The following ARF4 variants were observed in gnomAD, a reference collection of about 807,000 sequenced individuals.
ARF4 encodes the protein ADP-ribosylation factor 4.
Under a neutral mutation model 24.3 loss-of-function variants are expected in ARF4, and 5 were observed. The ratio of observed to expected loss-of-function variants is 0.21; its 90% CI spans 0.11 to 0.43. ARF4 has a LOEUF of 0.43. Ranked by LOEUF, ARF4 falls within the 20% of genes least tolerant of loss-of-function variation. The pLI is 1.00. For missense variants in ARF4, 107 were observed against 213.0 expected (o/e 0.50, Z 3.10); for synonymous variants, 62 against 73.5 (o/e 0.84, Z 0.80).
In ARF4 at chr3:57,572,136, G is replaced by A. The variant is rs968934455; in HGVS notation, c.*76C>T. On this transcript the variant is annotated 3_prime_UTR_variant, in exon 6 of 6. Coordinates refer to ENST00000303436, the MANE Select transcript of ARF4 (RefSeq NM_001660.4). ...GTCCCAGATACTGTTTAATAACCAA[G>A]ATACAAACTAATTTTGTTGTAACAA... The A allele has an allele frequency of 8.6e-7, 1 of 1,159,066 alleles. No homozygotes were observed. Among genetic ancestry groups the A allele is most frequent in the Admixed American group, 1.7e-5 (1 of 58,684 alleles). The allele number at this position is 1,159,066 out of a possible 1,614,324, so 71.8% of individuals were successfully genotyped here. A position where few individuals can be genotyped will look rare whatever the true frequency, so the allele number is the denominator to read the frequency against.
chr3:57,589,284 T>G (rs2070076127), intron 1 of ARF4, among the ~76,000 whole-genome samples: 1 of 150,872 alleles, frequency 6.6e-6, no homozygotes. Flanking sequence ...AAACAAAAAT[T>G]AGGCAGGGTG....
At chr3:57,576,026 C>T (rs1312323900) in intron 4 of ARF4, among the ~76,000 whole-genome samples, 1 of 152,108 alleles carries the variant, frequency 6.6e-6, no homozygotes, top group Non-Finnish European at 1.5e-5. Context: ...TCTTATGGTA[C>T]TTAGTAGCAG....
At chr3:57,586,499 A>G (rs1317633740) in intron 1 of ARF4, among the ~76,000 whole-genome samples, 2 of 152,206 alleles carry the variant, frequency 1.3e-5, no homozygotes, top group African/African-American at 2.4e-5. Flanking sequence ...CCTACCAAGA[A>G]TAACTTTAAG....
At chr3:57,580,568 A>AT (rs772996716) in intron 3 of ARF4, among the ~76,000 whole-genome samples, 1 of 148,670 alleles carries the variant, frequency 6.7e-6, no homozygotes, top group African/African-American at 2.5e-5. Context: ...TGCCCAGGTA[A>AT]TTTTTTTTTA....
rs956089735 is a variant in ARF4, at chr3:57,574,371, T to C, written c.456+1177A>G. On this transcript the variant is annotated intron_variant, in intron 5 of 5. Transcript: ENST00000303436. Reference sequence around the variant, plus strand: ...CTGATAATTTATCTCCATCACTGAATCACTGATCAATGATAAGCAATTTTA... The same window carrying C: ...CTGATAATTTATCTCCATCACTGAACCACTGATCAATGATAAGCAATTTTA... Among the ~76,000 whole-genome samples the C allele has an allele frequency of 3.3e-5, 5 of 152,034 alleles. No homozygotes were observed. The South Asian group carries it at 6.2e-4, about 19-fold the overall frequency.
At chr3:57,588,003 T>C (rs1188077788) in intron 1 of ARF4, among the ~76,000 whole-genome samples, 1 of 152,222 alleles carries the variant, frequency 6.6e-6, no homozygotes, top group African/African-American at 2.4e-5. Flanking sequence ...CAAAAACATA[T>C]TGGTCCAACA....
In ARF4 at chr3:57,584,430, C is replaced by G; in HGVS notation, c.102G>C (p.Leu34=). 2 of 1,613,720 alleles carry G rather than the reference C, an allele frequency of 1.2e-6. No homozygotes were observed. The highest frequency in any genetic ancestry group is 8.5e-7 in the Non-Finnish European group (1 of 1,179,692). ...CTATCTCCCCTAACTTCAGTTTATA[C>G]AGAATGGTTGTCTTGCCAGCAGCAT... The part of the protein sequence containing the change: ...GLDAAGKTTI[L]YKLKLGEIVT... The change falls in exon 2 of 6, where the codon CTG becomes CTC. Residue 34 remains leucine (L), a synonymous_variant. Transcript: ENST00000303436.
At chr3:57,590,132 T>A (rs201205196) in intron 1 of ARF4, among the ~76,000 whole-genome samples, 37 of 136,318 alleles carry the variant, frequency 2.7e-4, no homozygotes, top group East Asian at 6.6e-4. Flanking sequence ...AATAAATAAA[T>A]AAAACAAAAA....
chr3:57,594,336 A>T (rs1269355342), intron 1 of ARF4, among the ~76,000 whole-genome samples: 1 of 152,172 alleles, frequency 6.6e-6, no homozygotes, highest in African/African-American at 2.4e-5. Flanking sequence ...GATCCTCCCA[A>T]CCTGGCCTCC....
intron 3 of ARF4, among the ~76,000 whole-genome samples, chr3:57,583,258 A>G (rs984223351): frequency 1.3e-5 from 2 of 152,160 alleles, no homozygotes; most frequent in African/African-American, 2.4e-5. Flanking sequence ...TGCATATTAA[A>G]GTTTAAGAAA....
intron 4 of ARF4, 31 bp from the exon 5 acceptor site, chr3:57,575,704 AC>A: frequency 1.3e-6 from 2 of 1,574,466 alleles, no homozygotes; most frequent in Non-Finnish European, 1.7e-6. Flanking sequence ...ATTAACAACT[AC>A]CAACCGGAAT....
intron 1 of ARF4, among the ~76,000 whole-genome samples, chr3:57,595,185 T>G (rs1414698344): frequency 1.3e-5 from 2 of 152,228 alleles, no homozygotes; most frequent in African/African-American, 4.8e-5. Flanking sequence ...GGTAGCATAC[T>G]TCTATATTCC....
rs536870328 is a variant in ARF4, at chr3:57,587,586, AT to A, written c.68-3123del. On this transcript the variant is annotated intron_variant, in intron 1 of 5. Transcript: ENST00000303436. ...AAGAGAAAAAAAATTGTCCAAGCAG[AT>A]TTTTTTTAATTAAAATGTTGGGCTG... 1.1e-4 allele frequency among the ~76,000 whole-genome samples: 16 copies of A among 151,958 alleles called. No homozygotes were observed. The East Asian group carries it at 2.3e-3, about 22-fold the overall frequency.
intron 5 of ARF4, among the ~76,000 whole-genome samples, chr3:57,574,053 TG>T (rs1559782168): frequency 6.6e-6 from 1 of 152,126 alleles, no homozygotes; most frequent in African/African-American, 2.4e-5. Context: ...GTGATTCTCC[TG>T]CCTCAGCCTC....
chr3:57,591,083 G>C (rs2070106988), intron 1 of ARF4, among the ~76,000 whole-genome samples: 1 of 152,102 alleles, frequency 6.6e-6, no homozygotes, highest in Non-Finnish European at 1.5e-5. Flanking sequence ...TTAAAAACCT[G>C]AGTCTTGCAG....
intron 3 of ARF4, among the ~76,000 whole-genome samples, chr3:57,579,073 G>C (rs958481606): frequency 6.6e-6 from 1 of 151,640 alleles, no homozygotes; most frequent in African/African-American, 2.4e-5. Flanking sequence ...GAGGCAGGTG[G>C]ATCACCTGAG....
intron 1 of ARF4, among the ~76,000 whole-genome samples, chr3:57,588,682 C>T (rs1327911217): frequency 1.4e-5 from 2 of 143,058 alleles, no homozygotes; most frequent in Non-Finnish European, 1.5e-5. Flanking sequence ...GGAGAAAGCC[C>T]GTCTCTACTC....
intron 1 of ARF4, among the ~76,000 whole-genome samples, chr3:57,586,930 C>T (rs922585447): frequency 6.6e-6 from 1 of 151,982 alleles, no homozygotes; most frequent in Non-Finnish European, 1.5e-5. Context: ...AACTGAGACG[C>T]TGATTAAGAA....
chr3:57,596,998 A>T, intron 1 of ARF4, 76 bp downstream of exon 1: 1 of 1,450,558 alleles, frequency 6.9e-7, no homozygotes, highest in Non-Finnish European at 9.5e-7. Flanking sequence ...GAGGAAAAAA[A>T]CAGGCCCAGA....
Sources: gnomAD v4.1 joint callset for allele counts (sites outside exome capture counted in the v4.1 genomes callset) on GRCh38, gnomAD v4.1.1 for gene constraint, MANE v1.5 for transcripts, NCBI Gene and HGNC (gene_info 2026-07-23, HGNC 2026-07-21) for gene names.